ETF1: variants seen among roughly 807,000 people sequenced by gnomAD.
The protein encoded by ETF1 is eukaryotic peptide chain release factor subunit 1.
A neutral mutation model predicts 55.1 loss-of-function variants in ETF1; 4 were observed. The observed-to-expected ratio is 0.07, with a 90% CI of 0.04 to 0.17. The LOEUF is 0.17. ETF1 is among the 10% of genes least tolerant of loss of function. ETF1 has a pLI of 1.00. For synonymous variants in ETF1, 157 were observed against 182.3 expected (o/e 0.86, Z 1.12); for missense variants, 142 against 523.6 (o/e 0.27, Z 7.11).
Position 138,519,641 on chromosome 5 carries a change from C to A in ETF1, c.87-774G>T, listed in dbSNP as rs188307908. On this transcript the variant is annotated intron_variant, in intron 2 of 10. Transcript: ENST00000360541. ...TCATGTCACTGCACTCCAGCCTGGG[C>A]GACAGAGCTAGACTTAGTCTCGAGA... 8.0e-5 allele frequency among the ~76,000 whole-genome samples: 12 copies of A among 149,226 alleles called. No homozygotes were observed. In the East Asian group the frequency reaches 1.8e-3, roughly 22 times the overall value.
intron 2 of ETF1, among the ~76,000 whole-genome samples, chr5:138,532,220 T>TCTTCTCCCAAATTTGCAAAACTAAGTTTA (rs1765731800): frequency 6.6e-6 from 1 of 152,218 alleles, no homozygotes; most frequent in Non-Finnish European, 1.5e-5. Context: ...TTTCCATTTT[T>TCTTCTCCCAAATTTGCAAAACTAAGTTTA]CTTCTCCCAA....
intron 2 of ETF1, among the ~76,000 whole-genome samples, chr5:138,539,399 T>C (rs1444990311): frequency 1.3e-5 from 2 of 152,376 alleles, no homozygotes; most frequent in East Asian, 3.9e-4. Context: ...TAGTTCCTTA[T>C]TCAAGATACC....
rs62382374 is a variant in ETF1, at chr5:138,524,809, T to C, written c.87-5942A>G. Among the ~76,000 whole-genome samples, 761 of 151,902 alleles carry C rather than the reference T, an allele frequency of 5.0e-3. 4 individuals carry two copies. The highest frequency in any genetic ancestry group is 7.3e-3 in the Non-Finnish European group (496 of 67,934). Reference sequence around the variant, plus strand: ...GCCAGGATGGTCTTGATCTCCTGACTTCATGATCCGCCCGCCTTGGCCTCC... The same window carrying C: ...GCCAGGATGGTCTTGATCTCCTGACCTCATGATCCGCCCGCCTTGGCCTCC... On this transcript the variant is annotated intron_variant, in intron 2 of 10. Coordinates refer to ENST00000360541, the MANE Select transcript of ETF1 (RefSeq NM_004730.4).
At chr5:138,536,000 T>C (rs902512641) in intron 2 of ETF1, among the ~76,000 whole-genome samples, 2 of 151,702 alleles carry the variant, frequency 1.3e-5, no homozygotes, top group Non-Finnish European at 1.5e-5. Context: ...TATCATTCCA[T>C]GGTTGTGTGG....
In ETF1 at chr5:138,518,038, C is replaced by T. The variant is rs569653380; in HGVS notation, c.263-338G>A. On this transcript the variant is annotated intron_variant, in intron 3 of 10. Coordinates refer to ENST00000360541, the MANE Select transcript of ETF1 (RefSeq NM_004730.4). ...CCAACATGGTGAAACCCCATCTCTA[C>T]GAAAAATACAAAAAGTAGCCAGGCG... The T allele has an allele frequency of 4.0e-3, 791 of 197,524 alleles. 4 individuals are homozygous for T. Among genetic ancestry groups the T allele is most frequent in the Non-Finnish European group, 4.7e-3 (522 of 109,914 alleles). The allele number at this position is 197,524 out of a possible 1,614,324, so 12.2% of individuals were successfully genotyped here.
At chr5:138,524,138 C>T (rs1249188641) in intron 2 of ETF1, among the ~76,000 whole-genome samples, 1 of 151,344 alleles carries the variant, frequency 6.6e-6, no homozygotes, top group African/African-American at 2.4e-5. Flanking sequence ...GTGCAGTGAG[C>T]CGAGATCGTG....
At chr5:138,517,410 A>G in intron 4 of ETF1, 151 bp downstream of exon 4, 1 of 404,652 alleles carries the variant, frequency 2.5e-6, no homozygotes, top group East Asian at 3.7e-5. Context: ...AATAAAAATA[A>G]AAGAAGTACA....
intron 4 of ETF1, among the ~76,000 whole-genome samples, chr5:138,514,747 A>C (rs1764947318): frequency 1.3e-5 from 2 of 152,038 alleles, no homozygotes; most frequent in African/African-American, 4.8e-5. Flanking sequence ...GCAGCTAATG[A>C]TTCTGAGTTT....
chr5:138,513,420 G>A, intron 5 of ETF1, 148 bp downstream of exon 5: 1 of 775,874 alleles, frequency 1.3e-6, no homozygotes, highest in Non-Finnish European at 2.1e-6. Context: ...GGGCCGGGCT[G>A]GTCTCGAACT....
At chr5:138,535,197 G>T (rs778270550) in intron 2 of ETF1, among the ~76,000 whole-genome samples, 1 of 151,862 alleles carries the variant, frequency 6.6e-6, no homozygotes, top group Non-Finnish European at 1.5e-5. Flanking sequence ...TGATCTACCT[G>T]CCTAGACCTC....
rs1027876494 is a variant in ETF1 at position 138,508,200 on chromosome 5, T to C, written c.*105A>G. The C allele has an allele frequency of 1.5e-6, 2 of 1,310,436 alleles. No homozygotes were observed. Among genetic ancestry groups the C allele is most frequent in the African/African-American group, 3.0e-5 (2 of 67,644 alleles). The allele number at this position is 1,310,436 out of a possible 1,614,324, so 81.2% of individuals were successfully genotyped here. A position where few individuals can be genotyped will look rare whatever the true frequency, so the allele number is the denominator to read the frequency against. Reference sequence around the variant, plus strand: ...ATGCTCATGGATTAAGTTCTGGAAATGTTCCAATTGTAAGGCAGGGATCTG... The same window carrying C: ...ATGCTCATGGATTAAGTTCTGGAAACGTTCCAATTGTAAGGCAGGGATCTG... On this transcript the variant is annotated 3_prime_UTR_variant, in exon 11 of 11. Coordinates refer to ENST00000360541, the MANE Select transcript of ETF1 (RefSeq NM_004730.4).
chr5:138,519,600 T>C (rs569925163), intron 2 of ETF1, among the ~76,000 whole-genome samples: 4 of 151,324 alleles, frequency 2.6e-5, no homozygotes, highest in Admixed American at 6.6e-5. Context: ...GAGGCGGAGG[T>C]TGCAGTGAGC....
chr5:138,512,197 CAAAAAAAAAAAAAAA>C (rs58386195), intron 6 of ETF1, among the ~76,000 whole-genome samples: 1 of 2,840 alleles, frequency 3.5e-4, no homozygotes, highest in Non-Finnish European at 5.6e-4. Context: ...GACCCAGTCT[CAAAAAAAAAAAAAAA>C]AAAAAAAAAA....
rs1385877641 is a variant in ETF1 at position 138,507,115 on chromosome 5, G to C, written c.*1190C>G. 6.6e-6 allele frequency: 1 copy of C among 152,136 alleles called. No individual in the cohort carries two copies. The highest frequency in any genetic ancestry group is 1.5e-5 in the Non-Finnish European group (1 of 68,014). 9.4% of individuals were successfully genotyped at this position (152,136 alleles called of 1,614,324 possible). A position where few individuals can be genotyped will look rare whatever the true frequency, so the allele number is the denominator to read the frequency against. On this transcript the variant is annotated 3_prime_UTR_variant, in exon 11 of 11. Coordinates refer to ENST00000360541, the MANE Select transcript of ETF1 (RefSeq NM_004730.4). Reference sequence around the variant, plus strand: ...TGAAGCATAAGCTTCAGGGTTTCAGGCCAACTTTTGGATCCAACATGGTCT... The same window carrying C: ...TGAAGCATAAGCTTCAGGGTTTCAGCCCAACTTTTGGATCCAACATGGTCT...
chr5:138,524,486 G>A (rs1054428071), intron 2 of ETF1, among the ~76,000 whole-genome samples: 1 of 151,182 alleles, frequency 6.6e-6, no homozygotes, highest in Non-Finnish European at 1.5e-5. Flanking sequence ...CCTAGAGGTT[G>A]AGGCTGCAGT....
intron 10 of ETF1, 34 bp downstream of exon 10, chr5:138,508,635 G>A (rs1425603658): frequency 6.2e-7 from 1 of 1,610,906 alleles, no homozygotes; most frequent in Admixed American, 1.7e-5. Context: ...CTGAGACCCT[G>A]GTTTTAAGTT....
chr5:138,528,365 A>C (rs938401566), intron 2 of ETF1, among the ~76,000 whole-genome samples: 9 of 152,222 alleles, frequency 5.9e-5, no homozygotes, highest in Non-Finnish European at 1.2e-4. Flanking sequence ...ATAAGCAGCT[A>C]CTTACTTTCC....
intron 9 of ETF1, chr5:138,509,307 CT>C (rs1764672016): frequency 3.5e-6 from 1 of 282,992 alleles, no homozygotes; most frequent in Admixed American, 6.5e-5. Context: ...AGAGAAGCCA[CT>C]GCAGTGGAAG....
At chr5:138,527,838 T>C (rs1765541150) in intron 2 of ETF1, among the ~76,000 whole-genome samples, 1 of 152,064 alleles carries the variant, frequency 6.6e-6, no homozygotes, top group South Asian at 2.1e-4. Context: ...AGTGGCACGA[T>C]GTCACCTCAC....
Sources: gnomAD v4.1 joint callset for allele counts (sites outside exome capture counted in the v4.1 genomes callset) on GRCh38, gnomAD v4.1.1 for gene constraint, MANE v1.5 for transcripts, NCBI Gene and HGNC (gene_info 2026-07-23, HGNC 2026-07-21) for gene names.